The following BBS9 variants were observed in gnomAD, a reference collection of about 807,000 sequenced individuals.
The protein encoded by BBS9 is Bardet-Biedl syndrome 9.
Under a neutral mutation model 117.7 loss-of-function variants are expected in BBS9, and 89 were observed. That is an observed-to-expected ratio of 0.76 (90% CI 0.64 to 0.90). BBS9 has a LOEUF of 0.90. Among genes scored for constraint, BBS9 ranks in the 40% least tolerant of loss-of-function variants. BBS9 has a pLI of 0.00. For missense variants in BBS9, 982 were observed against 1,042.2 expected (o/e 0.94, Z 0.80); for synonymous variants, 379 against 370.9 (o/e 1.02, Z -0.25).
chr7:33,234,842 A>C (rs11974148), intron 5 of BBS9, among the ~76,000 whole-genome samples: 12,276 of 152,110 alleles, frequency 0.081, 1,093 homozygotes, highest in African/African-American at 0.22. Context: ...TCTCAAGGGA[A>C]TGGAGAAAAA....
intron 21 of BBS9, among the ~76,000 whole-genome samples, chr7:33,599,680 A>G (rs1290475171): frequency 6.6e-6 from 1 of 152,196 alleles, no homozygotes; most frequent in Non-Finnish European, 1.5e-5. Flanking sequence ...TTCAAAATTC[A>G]TTATATATGC....
intron 5 of BBS9, 195 bp downstream of exon 5, chr7:33,177,786 G>C: frequency 1.7e-6 from 1 of 580,564 alleles, no homozygotes. Flanking sequence ...GTCTGATCTT[G>C]GAAGCTAATC....
At chr7:33,439,942 G>A (rs1835914578) in intron 19 of BBS9, among the ~76,000 whole-genome samples, 2 of 152,346 alleles carry the variant, frequency 1.3e-5, no homozygotes, top group South Asian at 4.1e-4. Flanking sequence ...CAAGGCAAGT[G>A]AGTCAACCTT....
chr7:33,312,140 G>T (rs1053016869), intron 9 of BBS9, among the ~76,000 whole-genome samples: 3 of 151,952 alleles, frequency 2.0e-5, no homozygotes, highest in East Asian at 1.9e-4. Context: ...CCATTTTTTT[G>T]ATTACATTCT....
At chr7:33,361,101 T>A (rs1820535903) in intron 16 of BBS9, among the ~76,000 whole-genome samples, 2 of 152,156 alleles carry the variant, frequency 1.3e-5, no homozygotes, top group African/African-American at 4.8e-5. Context: ...CCTAGGAAAT[T>A]TCTGCTTAGG....
chr7:33,187,526 C>T (rs1017686052), intron 5 of BBS9, among the ~76,000 whole-genome samples: 2 of 152,230 alleles, frequency 1.3e-5, no homozygotes, highest in Admixed American at 1.3e-4. Flanking sequence ...CTCTTTGTCC[C>T]TCCGTCTGTC....
At chr7:33,230,720 AT>A (rs2128255320) in intron 5 of BBS9, among the ~76,000 whole-genome samples, 1 of 152,256 alleles carries the variant, frequency 6.6e-6, no homozygotes, top group South Asian at 2.1e-4. Flanking sequence ...AATGGCCTCC[AT>A]TTCCAATGAA....
chr7:33,583,496 A>G (rs1340369983), intron 21 of BBS9, among the ~76,000 whole-genome samples: 2 of 151,642 alleles, frequency 1.3e-5, no homozygotes, highest in African/African-American at 2.4e-5. Flanking sequence ...TTGTTTATTT[A>G]TTTATTGAAA....
rs376963705 is a variant in BBS9, at chr7:33,326,319, G to A, written c.1017-10122G>A. 9.4e-5 allele frequency among the ~76,000 whole-genome samples: 14 copies of A among 149,650 alleles called. 1 individual carries two copies. Among genetic ancestry groups the A allele is most frequent in the African/African-American group, 3.2e-4 (13 of 40,442 alleles). On this transcript the variant is annotated intron_variant, in intron 9 of 22. Transcript: ENST00000242067. ...CAGTGAGTACTATCTGGCTACCGCT[G>A]ATGTTCACTCAAGCCCCAGGCTCTT...
Position 33,273,214 on chromosome 7 carries a change from T to A in BBS9, c.886+19T>A. ...TGCTCAGGTGTGTAGAAAGATTTTC[T>A]TTTATCTCTTCCATATGTCAAGGCT... On this transcript the variant is annotated intron_variant, in intron 8 of 22. Transcript: ENST00000242067. 1 of 1,612,872 alleles carries A rather than the reference T, an allele frequency of 6.2e-7. No individual in the cohort carries two copies. Among genetic ancestry groups the A allele is most frequent in the South Asian group, 1.1e-5 (1 of 91,046 alleles).
At chr7:33,177,740 G>A in intron 5 of BBS9, 149 bp downstream of exon 5, 1 of 671,530 alleles carries the variant, frequency 1.5e-6, no homozygotes, top group Non-Finnish European at 2.7e-6. Context: ...GCCCAAGCAA[G>A]TCTATGGCCA....
chr7:33,400,932 A>G (rs1205536881), intron 19 of BBS9, among the ~76,000 whole-genome samples: 2 of 152,242 alleles, frequency 1.3e-5, no homozygotes, highest in Admixed American at 1.3e-4. Flanking sequence ...GGATTTAAAT[A>G]TATTTGTCAC....
At chr7:33,356,851 T>G (rs1467394303) in intron 15 of BBS9, among the ~76,000 whole-genome samples, 1 of 151,796 alleles carries the variant, frequency 6.6e-6, no homozygotes, top group Non-Finnish European at 1.5e-5. Flanking sequence ...TATAAAGAAA[T>G]AAAGGAATTA....
intron 4 of BBS9, among the ~76,000 whole-genome samples, chr7:33,156,783 T>C (rs1331150757): frequency 1.3e-5 from 2 of 152,210 alleles, no homozygotes; most frequent in Non-Finnish European, 2.9e-5. Context: ...ACTATCATTT[T>C]ATTTCCCACT....
intron 9 of BBS9, among the ~76,000 whole-genome samples, chr7:33,274,364 A>G (rs141400779): frequency 3.4e-3 from 511 of 152,372 alleles, no homozygotes; most frequent in African/African-American, 0.012. Flanking sequence ...CAGACGTTTC[A>G]TTAAGTCAAG....
At chr7:33,256,373 C>T (rs930043880) in intron 5 of BBS9, among the ~76,000 whole-genome samples, 1 of 152,128 alleles carries the variant, frequency 6.6e-6, no homozygotes, top group Non-Finnish European at 1.5e-5. Context: ...CAATACTTAT[C>T]CTAGAACATC....
chr7:33,279,185 C>G (rs1464375519), intron 9 of BBS9, among the ~76,000 whole-genome samples: 2 of 152,012 alleles, frequency 1.3e-5, no homozygotes, highest in African/African-American at 4.8e-5. Context: ...TATGCCTCCT[C>G]CTGTCTCAGC....
chr7:33,168,903 G>A (rs1796098681), intron 4 of BBS9, among the ~76,000 whole-genome samples: 1 of 151,610 alleles, frequency 6.6e-6, no homozygotes, highest in Admixed American at 6.6e-5. Flanking sequence ...CTGGTGTGCT[G>A]CACCCACTAA....
At chr7:33,367,733 G>A in intron 16 of BBS9, 34 bp from the exon 17 acceptor site, 1 of 1,592,688 alleles carries the variant, frequency 6.3e-7, no homozygotes, top group Non-Finnish European at 8.6e-7. Flanking sequence ...TTGCCTTCTG[G>A]TTACATAAGG....
Sources: allele counts gnomAD v4.1 joint callset (sites outside exome capture counted in the v4.1 genomes callset), GRCh38; gene constraint gnomAD v4.1.1; transcripts MANE v1.5; gene names NCBI Gene and HGNC (gene_info 2026-07-23, HGNC 2026-07-21).